The following DROSHA variants were observed in gnomAD, a reference collection of about 807,000 sequenced individuals.
DROSHA encodes the protein drosha ribonuclease III, also known as ribonuclease 3.
DROSHA carries 56 observed loss-of-function variants against 181.9 expected under a neutral mutation model. The ratio of observed to expected loss-of-function variants is 0.31; its 90% CI spans 0.25 to 0.38. The LOEUF is 0.38. Ranked by LOEUF, DROSHA falls within the 10% of genes least tolerant of loss-of-function variation. The pLI, the probability that DROSHA is intolerant of heterozygous loss-of-function variation, is 1.00. For synonymous variants in DROSHA, 524 were observed against 591.2 expected (o/e 0.89, Z 1.65); for missense variants, 1,218 against 1,743.5 (o/e 0.70, Z 5.37).
At chr5:31,475,299 C>A (rs780335418) in intron 16 of DROSHA, among the ~76,000 whole-genome samples, 1 of 152,152 alleles carries the variant, frequency 6.6e-6, no homozygotes, top group Non-Finnish European at 1.5e-5. Flanking sequence ...ACCTGGAGAA[C>A]AAAGTAAGAC....
chr5:31,427,347 C>T (rs1205645738), intron 27 of DROSHA, among the ~76,000 whole-genome samples: 1 of 152,018 alleles, frequency 6.6e-6, no homozygotes, highest in African/African-American at 2.4e-5. Flanking sequence ...AAGGGTTACA[C>T]AAAGACCAAA....
intron 16 of DROSHA, among the ~76,000 whole-genome samples, chr5:31,476,738 G>A (rs1210527044): frequency 6.6e-6 from 1 of 152,172 alleles, no homozygotes. Context: ...GGTAAGAGGA[G>A]ATCCATAAAT....
chr5:31,480,430 C>T (rs1750906353), intron 16 of DROSHA, among the ~76,000 whole-genome samples: 1 of 151,762 alleles, frequency 6.6e-6, no homozygotes, highest in Non-Finnish European at 1.5e-5. Flanking sequence ...GTCAGAATAG[C>T]GGTTACCCTT....
rs770345967 is a variant in DROSHA at position 31,521,214 on chromosome 5, C to G, written c.856G>C (p.Glu286Gln). ...SRHRSYERSR[E>Q]RERERHRHRD... is the part of the protein sequence containing the mutation. ...TGCCTGTGTCTCTCCCGTTCTCGCT[C>G]TCTTAAAGGAATTAATACACAGAGC... The change falls in exon 6 of 36, where the codon GAG (glutamate) becomes CAG (glutamine). Residue 286 changes from glutamate (E) to glutamine (Q), a missense_variant and splice_region_variant. Physicochemically the swap from Glu to Gln is conservative, Grantham distance 29 (BLOSUM62 2). Coordinates refer to ENST00000344624, the MANE Select transcript of DROSHA (RefSeq NM_001382508.1). The G allele has an allele frequency of 1.2e-6, 2 of 1,613,570 alleles. No individual in the cohort carries two copies. Among genetic ancestry groups the G allele is most frequent in the South Asian group, 2.2e-5 (2 of 91,066 alleles).
intron 10 of DROSHA, among the ~76,000 whole-genome samples, chr5:31,506,009 TTAAGA>T (rs1737892284): frequency 1.3e-5 from 2 of 152,212 alleles, no homozygotes; most frequent in African/African-American, 4.8e-5. Flanking sequence ...AAATATTATG[TTAAGA>T]TATTATCTAA....
At chr5:31,458,550 A>G (rs2150020726) in intron 20 of DROSHA, among the ~76,000 whole-genome samples, 1 of 152,336 alleles carries the variant, frequency 6.6e-6, no homozygotes, top group East Asian at 1.9e-4. Context: ...AGTGACCAAT[A>G]ATGTCACGTA....
rs1458575389 is a variant in DROSHA at position 31,515,085 on chromosome 5, T to A, written c.1193A>T (p.Asp398Val). The A allele has an allele frequency of 6.2e-7, 1 of 1,614,026 alleles. No homozygotes were observed. The highest frequency in any genetic ancestry group is 1.7e-5 in the Admixed American group (1 of 60,014). The part of the protein sequence containing the change: ...KEKEPEETMP[D>V]KNEEEEEELL... ...TTCTTCTTCTTCCTCCTCATTCTTG[T>A]CAGGCATGGTCTCCTCGGGCTCTTT... The change falls in exon 8 of 36, where the codon GAC becomes GTC. Residue 398 changes from aspartate to valine, a missense_variant. By Grantham distance (152) the Asp-to-Val change is radical. This residue lies in a region of DROSHA where 536 missense variants were observed against 535.4 expected (regional missense o/e 1.00). Transcript: ENST00000344624.
intron 23 of DROSHA, among the ~76,000 whole-genome samples, chr5:31,438,718 G>T (rs2150007041): frequency 6.6e-6 from 1 of 152,146 alleles, no homozygotes; most frequent in Admixed American, 6.5e-5. Flanking sequence ...AATCTTTAGG[G>T]TTAGTCAATG....
chr5:31,451,397 G>C (rs1294781861), intron 21 of DROSHA, 136 bp downstream of exon 21: 6 of 704,234 alleles, frequency 8.5e-6, no homozygotes, highest in East Asian at 2.9e-5. Flanking sequence ...AACCAGGGTA[G>C]AGCAATGGAG....
At chr5:31,502,841 C>T (rs1737449434) in intron 11 of DROSHA, among the ~76,000 whole-genome samples, 1 of 152,204 alleles carries the variant, frequency 6.6e-6, no homozygotes, top group Non-Finnish European at 1.5e-5. Context: ...GGAAATCTCT[C>T]CCAGCGGGTG....
chr5:31,436,127 G>A (rs1298779189), intron 24 of DROSHA, among the ~76,000 whole-genome samples: 1 of 152,168 alleles, frequency 6.6e-6, no homozygotes, highest in Non-Finnish European at 1.5e-5. Context: ...TGACAACAAA[G>A]AGCAGAATAA....
At chr5:31,507,698 T>A (rs887261735) in intron 10 of DROSHA, among the ~76,000 whole-genome samples, 7 of 152,170 alleles carry the variant, frequency 4.6e-5, no homozygotes, top group African/African-American at 1.7e-4. Flanking sequence ...AATTCAATTG[T>A]AGGGATAGTT....
At chr5:31,506,695 C>CA (rs35766843) in intron 10 of DROSHA, among the ~76,000 whole-genome samples, 34 of 125,880 alleles carry the variant, frequency 2.7e-4, no homozygotes, top group East Asian at 7.9e-4. Context: ...GACTCCGTCT[C>CA]AAAAAAAAAA....
chr5:31,501,181 T>C (rs1051601663), intron 11 of DROSHA, among the ~76,000 whole-genome samples: 7 of 152,180 alleles, frequency 4.6e-5, no homozygotes, highest in Non-Finnish European at 1.0e-4. Flanking sequence ...CCATGTTAGA[T>C]GCAGTATCTG....
At chr5:31,410,683 A>C (rs1165056758) in intron 31 of DROSHA, 63 bp downstream of exon 31, 4 of 1,553,026 alleles carry the variant, frequency 2.6e-6, no homozygotes, top group Non-Finnish European at 8.7e-7. Flanking sequence ...GAGGAGGACA[A>C]ATACGGTTAC....
intron 18 of DROSHA, chr5:31,467,014 G>C (rs1749104848): frequency 1.3e-5 from 2 of 152,020 alleles, no homozygotes; most frequent in South Asian, 4.2e-4. Context: ...TTTCTGACAA[G>C]AAGGGATTTT....
intron 33 of DROSHA, 150 bp from the exon 34 acceptor site, chr5:31,407,095 TAA>T: frequency 2.0e-6 from 1 of 501,388 alleles, no homozygotes; most frequent in Non-Finnish European, 3.3e-6. Flanking sequence ...TAAAAAGAGT[TAA>T]GTTTTTGATT....
Position 31,472,209 on chromosome 5 carries a change from T to C in DROSHA, c.2095A>G (p.Met699Val). 1.2e-6 allele frequency: 2 copies of C among 1,610,300 alleles called. No individual in the cohort carries two copies. Among genetic ancestry groups the C allele is most frequent in the Non-Finnish European group, 1.7e-6 (2 of 1,178,072 alleles). The change falls in exon 17 of 36, where the codon ATG becomes GTG. Residue 699 changes from methionine to valine, a missense_variant. By Grantham distance (21) the Met-to-Val change is conservative. Coordinates refer to ENST00000344624, the MANE Select transcript of DROSHA (RefSeq NM_001382508.1). ...LPDGGKEVLS[M>V]HQILLYLLRC... ...AACAAGTACAGGAGAATCTGGTGCATGGACAGCACTTCCTTTCCTCCATCT... is the reference window on the plus strand; with the variant it reads ...AACAAGTACAGGAGAATCTGGTGCACGGACAGCACTTCCTTTCCTCCATCT...
At chr5:31,402,569 G>A (rs1378254056) in intron 35 of DROSHA, among the ~76,000 whole-genome samples, 1 of 152,078 alleles carries the variant, frequency 6.6e-6, no homozygotes, top group Non-Finnish European at 1.5e-5. Flanking sequence ...TCTATATAAT[G>A]TTCAGTTTTA....
Sources: gnomAD v4.1 joint callset for allele counts (sites outside exome capture counted in the v4.1 genomes callset) on GRCh38, gnomAD v4.1.1 for gene constraint, gnomAD v4.1.1 regional missense constraint, MANE v1.5 for transcripts, NCBI Gene and HGNC (gene_info 2026-07-23, HGNC 2026-07-21) for gene names.